Variants in NCOR1 observed in about 807,000 individuals in gnomAD.
NCOR1 encodes nuclear receptor corepressor 1.
A neutral mutation model predicts 288.1 loss-of-function variants in NCOR1; 63 were observed. The ratio of observed to expected loss-of-function variants is 0.22; its 90% CI spans 0.18 to 0.27. The LOEUF is 0.27. NCOR1 is among the 10% of genes least tolerant of loss of function. NCOR1 has a pLI of 1.00. For synonymous variants in NCOR1, 1,007 were observed against 1,065.9 expected (o/e 0.94, Z 1.08); for missense variants, 2,397 against 3,019.2 (o/e 0.79, Z 4.83).
At chr17:16,168,160 C>T (rs2153453505) in intron 4 of NCOR1, among the ~76,000 whole-genome samples, 1 of 152,204 alleles carries the variant, frequency 6.6e-6, no homozygotes, top group Admixed American at 6.5e-5. Flanking sequence ...AAACAATAGA[C>T]ATGTGGTGTC....
At chr17:16,166,505 C>A (rs1178412940) in intron 4 of NCOR1, among the ~76,000 whole-genome samples, 1 of 151,976 alleles carries the variant, frequency 6.6e-6, no homozygotes, top group Non-Finnish European at 1.5e-5. Flanking sequence ...ATGGTGAAAC[C>A]CCGTCTCTAC....
intron 14 of NCOR1, among the ~76,000 whole-genome samples, chr17:16,127,987 G>A (rs1162460137): frequency 6.6e-6 from 1 of 151,696 alleles, no homozygotes; most frequent in African/African-American, 2.4e-5. Context: ...AGGTAGCTGG[G>A]GCTACAGGTC....
intron 4 of NCOR1, 40 bp from the exon 5 acceptor site, chr17:16,165,201 C>T (rs766597956): frequency 1.3e-6 from 2 of 1,519,030 alleles, no homozygotes; most frequent in East Asian, 2.3e-5. Flanking sequence ...TTATTTCTCA[C>T]TAATAGAGTC....
chr17:16,164,131 C>T (rs912148835), intron 5 of NCOR1, among the ~76,000 whole-genome samples: 1 of 151,890 alleles, frequency 6.6e-6, no homozygotes, highest in Non-Finnish European at 1.5e-5. Flanking sequence ...GTCCCAGCTA[C>T]TCGGGAGGCT....
chr17:16,070,135 G>C (rs565979529), intron 31 of NCOR1, 30 bp downstream of exon 31: 1 of 1,459,656 alleles, frequency 6.9e-7, no homozygotes, highest in South Asian at 1.4e-5. Flanking sequence ...GCAATAAAAA[G>C]TATCAGACCA....
intron 17 of NCOR1, among the ~76,000 whole-genome samples, chr17:16,118,279 TG>T (rs1471991202): frequency 1.3e-5 from 2 of 152,348 alleles, no homozygotes; most frequent in African/African-American, 4.8e-5. Context: ...GTCCTTCCTA[TG>T]TATCTCTCAC....
intron 23 of NCOR1, among the ~76,000 whole-genome samples, chr17:16,083,101 C>T (rs1237809661): frequency 2.0e-5 from 3 of 151,944 alleles, no homozygotes; most frequent in African/African-American, 7.3e-5. Context: ...GACAGGGTGG[C>T]GTGCACCTGT....
rs147047267 is a variant in NCOR1, at chr17:16,115,695, C to T, written c.2055+2193G>A. ...CAATTCCCAACAAGTTCCTCATTTC[C>T]ATCTGAGATCACCTCAGCCTGGACC... On this transcript the variant is annotated intron_variant, in intron 18 of 45. Transcript: ENST00000268712. Among the ~76,000 whole-genome samples the T allele has an allele frequency of 4.4e-3, 674 of 152,272 alleles. 2 individuals are homozygous for T. Among genetic ancestry groups the T allele is most frequent in the Non-Finnish European group, 7.5e-3 (511 of 68,014 alleles).
intron 35 of NCOR1, among the ~76,000 whole-genome samples, chr17:16,063,806 A>G (rs767278399): frequency 4.6e-5 from 7 of 152,176 alleles, no homozygotes; most frequent in African/African-American, 7.2e-5. Flanking sequence ...TCTGTGACCA[A>G]TATCTTCAGG....
intron 40 of NCOR1, among the ~76,000 whole-genome samples, chr17:16,050,733 G>GT (rs200523644): frequency 3.1e-5 from 3 of 97,816 alleles, no homozygotes; most frequent in East Asian, 2.1e-4. Flanking sequence ...TCTTAAACAT[G>GT]TTTTTTTTAT....
At chr17:16,038,215 T>G (rs1305405865) in intron 44 of NCOR1, among the ~76,000 whole-genome samples, 2 of 152,154 alleles carry the variant, frequency 1.3e-5, no homozygotes, top group African/African-American at 4.8e-5. Flanking sequence ...GCACAAGAGA[T>G]ATTCTCAAAA....
chr17:16,183,230 C>CAAAAAAAAAAAAAAAAAAAAAAA (rs59665102), intron 3 of NCOR1, among the ~76,000 whole-genome samples: 3 of 64,068 alleles, frequency 4.7e-5, no homozygotes, highest in East Asian at 4.1e-4. Flanking sequence ...AGCAATCAAA[C>CAAAAAAAAAAAAAAAAAAAAAAA]AAAAAAAAAA....
chr17:16,080,256 G>T, intron 25 of NCOR1, 152 bp downstream of exon 25: 1 of 828,594 alleles, frequency 1.2e-6, no homozygotes, highest in South Asian at 2.1e-5. Flanking sequence ...GGAACTTCAA[G>T]GTTTTAAAAT....
chr17:16,172,719 T>C lies in NCOR1; in HGVS notation c.243-724A>G, dbSNP rs540182323. Among the ~76,000 whole-genome samples the C allele has an allele frequency of 2.6e-5, 4 of 152,332 alleles. No homozygotes were observed. In the East Asian group the frequency reaches 7.7e-4, roughly 29 times the overall value. The stretch of plus-strand genomic sequence containing the variant: ...ATGTATTCTGTCTAGCTTCCCTAAA[T>C]ACATGACTTGAAGATCAGAATCTTT... On this transcript the variant is annotated intron_variant, in intron 3 of 45. Coordinates refer to ENST00000268712, the MANE Select transcript of NCOR1 (RefSeq NM_006311.4).
At chr17:16,075,401 C>A in intron 27 of NCOR1, 133 bp downstream of exon 27, 1 of 946,806 alleles carries the variant, frequency 1.1e-6, no homozygotes, top group Non-Finnish European at 1.6e-6. Flanking sequence ...ATTACTAACC[C>A]CATTTACTGA....
At chr17:16,169,782 AAATTACATTTGTGGT>A (rs1464236472) in intron 4 of NCOR1, among the ~76,000 whole-genome samples, 2 of 152,212 alleles carry the variant, frequency 1.3e-5, no homozygotes, top group Non-Finnish European at 2.9e-5. Flanking sequence ...CTATAGTTAC[AAATTACATTTGTGGT>A]AATGTATTCA....
chr17:16,060,537 A>G (rs2060434007), intron 37 of NCOR1, among the ~76,000 whole-genome samples: 1 of 152,210 alleles, frequency 6.6e-6, no homozygotes, highest in African/African-American at 2.4e-5. Flanking sequence ...TCTTTTGTCT[A>G]CACAACACTA....
At chr17:16,081,874 T>C (rs2063463995) in intron 23 of NCOR1, among the ~76,000 whole-genome samples, 1 of 152,186 alleles carries the variant, frequency 6.6e-6, no homozygotes, top group Non-Finnish European at 1.5e-5. Context: ...GCTACATGCA[T>C]GTGCAAGGCT....
At chr17:16,038,582 G>A (rs943933662) in intron 44 of NCOR1, among the ~76,000 whole-genome samples, 13 of 151,792 alleles carry the variant, frequency 8.6e-5, no homozygotes, top group South Asian at 2.1e-4. Flanking sequence ...GGACTACAGC[G>A]TGAGCCACCA....
Sources: allele counts gnomAD v4.1 joint callset (sites outside exome capture counted in the v4.1 genomes callset), GRCh38; gene constraint gnomAD v4.1.1; transcripts MANE v1.5; gene names NCBI Gene and HGNC (gene_info 2026-07-23, HGNC 2026-07-21).